Variants in AXDND1 observed in about 807,000 individuals in gnomAD.
AXDND1 encodes axonemal dynein light chain domain containing 1.
AXDND1 carries 110 observed loss-of-function variants against 137.5 expected under a neutral mutation model. The observed-to-expected ratio is 0.80, with a 90% confidence interval of 0.69 to 0.94. The LOEUF (loss-of-function observed/expected upper bound fraction) is 0.94, where lower values mean the gene tolerates loss of function less well. Among genes scored for constraint, AXDND1 ranks in the 40% least tolerant of loss-of-function variants. AXDND1 has a pLI of 0.00. For missense variants in AXDND1, 1,191 were observed against 1,169.8 expected (o/e 1.02, Z -0.26); for synonymous variants, 414 against 399.7 (o/e 1.04, Z -0.43).
At chr1:179,503,642 GT>G (rs1247771169) in intron 20 of AXDND1, among the ~76,000 whole-genome samples, 1 of 151,916 alleles carries the variant, frequency 6.6e-6, no homozygotes, top group Non-Finnish European at 1.5e-5. Flanking sequence ...CCATGTTGGT[GT>G]GCTGCACCCA....
At chr1:179,491,128 G>A (rs527756146) in intron 18 of AXDND1, among the ~76,000 whole-genome samples, 5 of 152,168 alleles carry the variant, frequency 3.3e-5, no homozygotes, top group Admixed American at 6.5e-5. Flanking sequence ...GTTCAAGTTC[G>A]GCCTGGGCAA....
intron 25 of AXDND1, chr1:179,551,076 C>A: frequency 1.3e-6 from 2 of 1,516,374 alleles, no homozygotes; most frequent in Non-Finnish European, 1.8e-6. Flanking sequence ...CATATGGCAA[C>A]CAAAGGAAGG....
chr1:179,406,934 C>G (rs528546124), intron 11 of AXDND1, among the ~76,000 whole-genome samples: 1 of 151,942 alleles, frequency 6.6e-6, no homozygotes, highest in African/African-American at 2.4e-5. Context: ...GCTTTTTCTC[C>G]TTTCCTCTTA....
intron 22 of AXDND1, 90 bp from the exon 23 acceptor site, chr1:179,528,237 C>A: frequency 1.2e-6 from 1 of 838,840 alleles, no homozygotes; most frequent in Non-Finnish European, 2.0e-6. Flanking sequence ...AAGCTTCCAA[C>A]ATGGTGCCAG....
intron 17 of AXDND1, among the ~76,000 whole-genome samples, chr1:179,480,426 G>A (rs530085133): frequency 8.5e-5 from 13 of 152,152 alleles, no homozygotes; most frequent in South Asian, 2.1e-4. Context: ...GGGGGAGACC[G>A]CCCCCATGAT....
intron 14 of AXDND1, among the ~76,000 whole-genome samples, chr1:179,431,138 A>T (rs6658341): frequency 0.76 from 116,063 of 151,958 alleles, 44,650 homozygotes; most frequent in South Asian, 0.83. Flanking sequence ...TTCTTTTTTT[A>T]AATTTAATTT....
At chr1:179,411,341 TTTTTG>T (rs1266719624) in intron 12 of AXDND1, 75 bp downstream of exon 12, 3 of 1,566,314 alleles carry the variant, frequency 1.9e-6, no homozygotes, top group Non-Finnish European at 2.6e-6. Context: ...AAATTTGTTT[TTTTTG>T]TTTTGTTTTG....
chr1:179,478,132 G>T (rs1278996177), intron 17 of AXDND1, among the ~76,000 whole-genome samples: 1 of 152,176 alleles, frequency 6.6e-6, no homozygotes, highest in Non-Finnish European at 1.5e-5. Flanking sequence ...ATGGGCTGGG[G>T]TTGAGTGTCT....
chr1:179,435,900 C>A (rs968116704), intron 15 of AXDND1, among the ~76,000 whole-genome samples: 1 of 152,020 alleles, frequency 6.6e-6, no homozygotes, highest in Non-Finnish European at 1.5e-5. Flanking sequence ...AGTGAACAGG[C>A]AGCCTACAGA....
intron 16 of AXDND1, chr1:179,453,175 G>A (rs1177442531): frequency 2.6e-5 from 4 of 152,372 alleles, no homozygotes; most frequent in African/African-American, 9.6e-5. Flanking sequence ...GCAGGGGCAG[G>A]GCCCTCATGG....
rs145241966 is a variant in AXDND1 at position 179,474,517 on chromosome 1, A to G, written c.1997+5876A>G. On this transcript the variant is annotated intron_variant, in intron 17 of 25. Coordinates refer to ENST00000367618, the MANE Select transcript of AXDND1 (RefSeq NM_144696.6). ...GCTGAGGTAGTCTCTGATGGAGATG[A>G]GGAACTTACTGGGAACTGGAATAAA... Among the ~76,000 whole-genome samples, 611 of 152,304 alleles carry G rather than the reference A, an allele frequency of 4.0e-3. 4 individuals are homozygous for G. The highest frequency in any genetic ancestry group is 0.014 in the African/African-American group (585 of 41,556).
At chr1:179,505,335 G>A (rs1422734300) in intron 20 of AXDND1, among the ~76,000 whole-genome samples, 1 of 152,090 alleles carries the variant, frequency 6.6e-6, no homozygotes, top group Admixed American at 6.6e-5. Context: ...AAGGAGATTT[G>A]CATGATGCTG....
In AXDND1 at chr1:179,411,198, A is replaced by G; in HGVS notation, c.1162A>G (p.Asn388Asp). 6.2e-7 allele frequency: 1 copy of G among 1,612,436 alleles called. No individual in the cohort carries two copies. Among genetic ancestry groups the G allele is most frequent in the Non-Finnish European group, 8.5e-7 (1 of 1,179,362 alleles). ...LYTLQRERME[N>D]DMKKLVAERD... ...TACATTACAAAGAGAAAGGATGGAG[A>G]ATGATATGAAAAAGTTAGTGGCAGA... The change falls in exon 12 of 26, where the codon AAT (asparagine) becomes GAT (aspartate). Residue 388 changes from asparagine (N) to aspartate (D), a missense_variant. Transcript: ENST00000367618.
intron 15 of AXDND1, among the ~76,000 whole-genome samples, chr1:179,441,116 G>A (rs767622525): frequency 2.4e-4 from 37 of 152,194 alleles, no homozygotes; most frequent in Non-Finnish European, 5.3e-4. Flanking sequence ...CTTACTGTGT[G>A]TGGGGCCCAA....
rs1203415092 is a variant in AXDND1, at chr1:179,430,488, CA to C, written c.1374del (p.Lys458AsnfsTer5). Reference protein sequence around the residue: ...EDLALLQKLTQKWRNLVNKLK... With the variant: ...EDLALLQKLTXKWRNLVNKLK... ...CCTTGCACTGTTGCAGAAGTTGACA[CA>C]AAAATGGAGAAACTTAGTGAATAAA... On this transcript the variant is annotated frameshift_variant, in exon 14 of 26. Coordinates refer to ENST00000367618, the MANE Select transcript of AXDND1 (RefSeq NM_144696.6). LOFTEE classifies it high-confidence loss of function. The C allele has an allele frequency of 3.7e-6, 6 of 1,613,454 alleles. No individual in the cohort carries two copies. Among genetic ancestry groups the C allele is most frequent in the Non-Finnish European group, 5.1e-6 (6 of 1,179,822 alleles).
chr1:179,450,080 T>G (rs1397819851), intron 16 of AXDND1: 1 of 140,424 alleles, frequency 7.1e-6, no homozygotes, highest in African/African-American at 2.7e-5. Context: ...CTCAGCTCAC[T>G]GCAACCTCTG....
At chr1:179,524,669 A>G (rs1670374620) in intron 21 of AXDND1, among the ~76,000 whole-genome samples, 2 of 152,080 alleles carry the variant, frequency 1.3e-5, no homozygotes, top group South Asian at 4.1e-4. Flanking sequence ...AATCACTAGG[A>G]CTTGCCTCTT....
intron 11 of AXDND1, among the ~76,000 whole-genome samples, chr1:179,398,500 T>A (rs994927386): frequency 5.9e-5 from 9 of 152,228 alleles, no homozygotes; most frequent in African/African-American, 2.2e-4. Context: ...GGCAATGTTG[T>A]GGGGGTGCAT....
At chr1:179,432,175 T>C (rs1220951820) in intron 14 of AXDND1, 92 bp from the exon 15 acceptor site, 21 of 1,407,278 alleles carry the variant, frequency 1.5e-5, no homozygotes, top group Non-Finnish European at 2.0e-5. Context: ...TGAGGAGAAA[T>C]ATGTTAGTTG....
Sources: gnomAD v4.1 joint callset for allele counts (sites outside exome capture counted in the v4.1 genomes callset) on GRCh38, gnomAD v4.1.1 for gene constraint, MANE v1.5 for transcripts, NCBI Gene and HGNC (gene_info 2026-07-23, HGNC 2026-07-21) for gene names.